Variants in CAB39 observed in about 807,000 individuals in gnomAD.
CAB39 encodes calcium binding protein 39, also known as calcium-binding protein 39.
CAB39 carries 8 observed loss-of-function variants against 40.0 expected under a neutral mutation model. The ratio of observed to expected loss-of-function variants is 0.20; its 90% CI spans 0.12 to 0.36. The LOEUF is 0.36. Ranked by LOEUF, CAB39 falls within the 10% of genes least tolerant of loss-of-function variation. The pLI is 1.00. For missense variants in CAB39, 270 were observed against 401.1 expected (o/e 0.67, Z 2.79); for synonymous variants, 156 against 141.6 (o/e 1.10, Z -0.72).
intron 1 of CAB39, among the ~76,000 whole-genome samples, chr2:230,755,909 G>A (rs1019348847): frequency 6.6e-6 from 1 of 152,172 alleles, no homozygotes; most frequent in Non-Finnish European, 1.5e-5. Context: ...TCCAACTTGG[G>A]CATCTCCATA....
chr2:230,725,562 T>C (rs1413734146), intron 1 of CAB39, among the ~76,000 whole-genome samples: 1 of 152,130 alleles, frequency 6.6e-6, no homozygotes, highest in South Asian at 2.1e-4. Flanking sequence ...ACCAAGCAAA[T>C]TGTGTAATTG....
chr2:230,719,128 G>A (rs1005849968), intron 1 of CAB39, among the ~76,000 whole-genome samples: 2 of 152,132 alleles, frequency 1.3e-5, no homozygotes, highest in African/African-American at 2.4e-5. Context: ...GTTAGAAGTC[G>A]AAATAGACAA....
intron 1 of CAB39, among the ~76,000 whole-genome samples, chr2:230,729,921 A>C (rs548895177): frequency 1.1e-4 from 17 of 152,254 alleles, no homozygotes; most frequent in African/African-American, 4.1e-4. Context: ...AGAAAACTAT[A>C]AATTTAAGTG....
intron 5 of CAB39, 49 bp downstream of exon 5, chr2:230,798,946 CTGTTT>C (rs1200593620): frequency 6.9e-7 from 1 of 1,453,490 alleles, no homozygotes; most frequent in Admixed American, 2.1e-5. Flanking sequence ...CAGAGGTGTG[CTGTTT>C]TTCTAAACCT....
At chr2:230,742,620 C>T (rs1233165541) in intron 1 of CAB39, among the ~76,000 whole-genome samples, 2 of 150,746 alleles carry the variant, frequency 1.3e-5, no homozygotes, top group Admixed American at 1.3e-4. Flanking sequence ...ATTCGATATC[C>T]TACAAGTCAA....
intron 1 of CAB39, among the ~76,000 whole-genome samples, chr2:230,721,842 G>A (rs1694458974): frequency 6.6e-6 from 1 of 152,100 alleles, no homozygotes; most frequent in South Asian, 2.1e-4. Context: ...CTTCCTTCAA[G>A]TTTATTTGGT....
chr2:230,787,579 A>G (rs1265786795), intron 2 of CAB39, among the ~76,000 whole-genome samples: 1 of 152,244 alleles, frequency 6.6e-6, no homozygotes, highest in Non-Finnish European at 1.5e-5. Context: ...TGTGAAAGCC[A>G]AAGACATTTT....
chr2:230,799,041 A>G, intron 5 of CAB39, 144 bp downstream of exon 5: 1 of 587,844 alleles, frequency 1.7e-6, no homozygotes, highest in South Asian at 2.7e-5. Context: ...TGTGTGATAG[A>G]GGTATATGCA....
intron 4 of CAB39, among the ~76,000 whole-genome samples, chr2:230,796,646 T>TAC (rs1695992327): frequency 6.6e-6 from 1 of 151,920 alleles, no homozygotes; most frequent in Non-Finnish European, 1.5e-5. Context: ...CCAAGGAGTG[T>TAC]GGTTTTATCT....
chr2:230,724,703 C>CAAAAAAA (rs60886023), intron 1 of CAB39, among the ~76,000 whole-genome samples: 1 of 54,766 alleles, frequency 1.8e-5, no homozygotes, highest in African/African-American at 7.1e-5. Context: ...ACACGCTCAC[C>CAAAAAAA]AAAAAAAAAA....
chr2:230,723,009 T>C (rs1391252838), intron 1 of CAB39, among the ~76,000 whole-genome samples: 2 of 152,350 alleles, frequency 1.3e-5, no homozygotes, highest in Admixed American at 1.3e-4. Flanking sequence ...AATTTTCAAT[T>C]TTGTTAAAAG....
chr2:230,759,628 C>T (rs1201790406), intron 1 of CAB39, among the ~76,000 whole-genome samples: 3 of 152,188 alleles, frequency 2.0e-5, no homozygotes, highest in Non-Finnish European at 2.9e-5. Context: ...TCAGGCCTGG[C>T]AGTAGCAGTT....
chr2:230,760,495 G>C (rs777114118), intron 2 of CAB39, among the ~76,000 whole-genome samples: 1 of 152,156 alleles, frequency 6.6e-6, no homozygotes, highest in Non-Finnish European at 1.5e-5. Flanking sequence ...TAGGATTACA[G>C]TTATCAGTTA....
At chr2:230,797,974 T>C (rs1014197843) in intron 4 of CAB39, among the ~76,000 whole-genome samples, 1 of 152,064 alleles carries the variant, frequency 6.6e-6, no homozygotes, top group Admixed American at 6.6e-5. Context: ...GAGCGATGTG[T>C]TTGAGGGGGC....
intron 2 of CAB39, among the ~76,000 whole-genome samples, chr2:230,784,678 G>T (rs1177252539): frequency 6.6e-6 from 1 of 152,170 alleles, no homozygotes; most frequent in Non-Finnish European, 1.5e-5. Context: ...TCCGAATCCT[G>T]TGGAAAGTTC....
intron 2 of CAB39, among the ~76,000 whole-genome samples, chr2:230,762,082 A>G (rs1438191366): frequency 1.3e-5 from 2 of 152,062 alleles, no homozygotes; most frequent in African/African-American, 2.4e-5. Context: ...TAATTTTTGT[A>G]GTTTTAGTAG....
At chr2:230,727,398 G>GTGTGTGTGTT (rs760656084) in intron 1 of CAB39, among the ~76,000 whole-genome samples, 95 of 124,638 alleles carry the variant, frequency 7.6e-4, no homozygotes, top group African/African-American at 1.9e-3. Flanking sequence ...GTGTGTGTGT[G>GTGTGTGTGTT]TATTTTTTTT....
Position 230,801,633 on chromosome 2 carries a change from A to G in CAB39, c.567+2736A>G, listed in dbSNP as rs182288943. Among the ~76,000 whole-genome samples the G allele has an allele frequency of 7.2e-3, 1,103 of 152,214 alleles. 10 individuals carry two copies. The highest frequency in any genetic ancestry group is 0.012 in the Non-Finnish European group (804 of 68,002). ...ACGCCTGTAATCCCACCACTTTGGG[A>G]GGCTGAGGTGGGTGGATCACCTGAG... On this transcript the variant is annotated intron_variant, in intron 5 of 8. Transcript: ENST00000258418.
intron 1 of CAB39, among the ~76,000 whole-genome samples, chr2:230,721,616 C>T (rs1390386499): frequency 6.6e-6 from 1 of 152,126 alleles, no homozygotes; most frequent in Non-Finnish European, 1.5e-5. Context: ...AGCCGTGTTT[C>T]CCAAATTGTG....
Sources: gnomAD v4.1 joint callset for allele counts (sites outside exome capture counted in the v4.1 genomes callset) on GRCh38, gnomAD v4.1.1 for gene constraint, MANE v1.5 for transcripts, NCBI Gene and HGNC (gene_info 2026-07-23, HGNC 2026-07-21) for gene names.